The following NPHS1 variants were observed in gnomAD, a reference collection of about 807,000 sequenced individuals.
NPHS1 encodes the protein nephrin.
In NPHS1, 107 loss-of-function variants were observed where a neutral mutation model predicts 139.7. That is an observed-to-expected ratio of 0.77 (90% confidence interval 0.66 to 0.90). The LOEUF (loss-of-function observed/expected upper bound fraction) is 0.90, where lower values mean the gene tolerates loss of function less well. Ranked by LOEUF, NPHS1 falls within the 40% of genes least tolerant of loss-of-function variation. NPHS1 has a pLI of 0.00. For synonymous variants in NPHS1, 707 were observed against 706.6 expected (o/e 1.00, Z -0.01); for missense variants, 1,580 against 1,654.2 (o/e 0.96, Z 0.78).
At chr19:35,850,849 C>A in intron 4 of NPHS1, 112 bp downstream of exon 4, 1 of 1,393,604 alleles carries the variant, frequency 7.2e-7, no homozygotes, top group East Asian at 2.5e-5. Context: ...GTCCCCATCC[C>A]AGGGATGACA....
In NPHS1 at chr19:35,831,766, G is replaced by A. The variant is rs774776388; in HGVS notation, c.3167-4C>T. The A allele has an allele frequency of 1.3e-6, 2 of 1,562,580 alleles. No individual in the cohort carries two copies. The highest frequency in any genetic ancestry group is 2.4e-5 in the East Asian group (1 of 41,796). ...AGCAGGGGCAGCCCCGAGGGTCCTAGGGGTGGAAGATACCCCTCAGTGAAT... is the reference window on the plus strand; with the variant it reads ...AGCAGGGGCAGCCCCGAGGGTCCTAAGGGTGGAAGATACCCCTCAGTGAAT... On this transcript the variant is annotated splice_polypyrimidine_tract_variant and splice_region_variant and intron_variant, in intron 23 of 28. Coordinates refer to ENST00000378910, the MANE Select transcript of NPHS1 (RefSeq NM_004646.4).
rs1161720919 is a variant in NPHS1 at position 35,848,332 on chromosome 19, AC to A, written c.1235del (p.Gly412ValfsTer2). The A allele has an allele frequency of 2.5e-6, 4 of 1,613,906 alleles. No homozygotes were observed. The highest frequency in any genetic ancestry group is 3.4e-6 in the Non-Finnish European group (4 of 1,179,996). ...LTFLARREDN[G>X]LTLTCEAFSE... ...TGAAGGCCTCACATGTGAGGGTCAG[AC>A]CGTTGTCCTCCCGCCGCGCCAGGAA... On this transcript the variant is annotated frameshift_variant, in exon 10 of 29. Coordinates refer to ENST00000378910, the MANE Select transcript of NPHS1 (RefSeq NM_004646.4). LOFTEE classifies it high-confidence loss of function.
At chr19:35,830,669 A>C (rs1395273817) in intron 28 of NPHS1, among the ~76,000 whole-genome samples, 175 bp downstream of exon 28, 3 of 152,212 alleles carry the variant, frequency 2.0e-5, no homozygotes, top group Non-Finnish European at 4.4e-5. Context: ...TTGGCCTCCC[A>C]AAGTGTTGGG....
At chr19:35,840,840 C>T (rs1453343832) in intron 20 of NPHS1, among the ~76,000 whole-genome samples, 1 of 150,322 alleles carries the variant, frequency 6.7e-6, no homozygotes, top group East Asian at 2.0e-4. Context: ...AAGCGCATGC[C>T]ATCACGCCCG....
rs750378544 is a variant in NPHS1, at chr19:35,831,053, C to T, written c.3481G>A (p.Gly1161Ser). Residue 1161 changes from glycine (G) to serine (S), a missense_variant and splice_region_variant, in exon 27 of 29, where the codon GGT (glycine) becomes AGT (serine). Transcript: ENST00000378910. ...GAATCCTGACATGGTCCTAACTCAC[C>T]TCGGGAATAAGACACCTCCTCCTGC... is the stretch of plus-strand genomic sequence containing the variant. ...PTQEEVSYSR[G>S]FTGEDEDMAF... 1.9e-6 allele frequency: 3 copies of T among 1,613,944 alleles called. No homozygotes were observed. Among genetic ancestry groups the T allele is most frequent in the Middle Eastern group, 1.6e-4 (1 of 6,084 alleles).
chr19:35,843,502 G>T lies in NPHS1; in HGVS notation c.2304C>A (p.Ile768=). The change falls in exon 17 of 29, where the codon ATC becomes ATA. Residue 768 remains isoleucine, a synonymous_variant. Coordinates refer to ENST00000378910, the MANE Select transcript of NPHS1 (RefSeq NM_004646.4). ...TCTCCCAGTTGAACATGCCCGGGAG[G>T]ATGGGATTGGCATCGACAGTGCAGA... ...DIVCTVDANP[I]LPGMFNWERL... The T allele has an allele frequency of 6.2e-7, 1 of 1,614,156 alleles. No homozygotes were observed. Among genetic ancestry groups the T allele is most frequent in the South Asian group, 1.1e-5 (1 of 91,080 alleles).
chr19:35,835,912 A>G (rs1002722181), intron 22 of NPHS1, 151 bp from the exon 23 acceptor site: 6 of 677,016 alleles, frequency 8.9e-6, no homozygotes, highest in Non-Finnish European at 1.6e-5. Flanking sequence ...AATTGCTGAT[A>G]ATAATGACAA....
rs746569163 is a variant in NPHS1 at position 35,848,702 on chromosome 19, G to T, written c.1105C>A (p.Arg369=). The T allele has an allele frequency of 6.2e-7, 1 of 1,614,128 alleles. No individual in the cohort carries two copies. The highest frequency in any genetic ancestry group is 8.5e-7 in the Non-Finnish European group (1 of 1,180,038). ...LSCVSKSSRP[R]VLLRWWLGWR... ...CCCAGCCACCATCGTAGCAGAACCC[G>T]CGGGCGACTGGACTTGCTGACACAG... Residue 369 remains arginine (R), a synonymous_variant, in exon 9 of 29, where the codon CGG becomes AGG. Transcript: ENST00000378910.
intron 22 of NPHS1, among the ~76,000 whole-genome samples, chr19:35,836,943 C>G (rs1972969431): frequency 6.7e-6 from 1 of 149,398 alleles, no homozygotes; most frequent in Non-Finnish European, 1.5e-5. Context: ...TTGCAGTGAG[C>G]CGAGATCATG....
chr19:35,847,397 C>T (rs1018673134), intron 11 of NPHS1, among the ~76,000 whole-genome samples: 3 of 136,512 alleles, frequency 2.2e-5, no homozygotes, highest in African/African-American at 8.4e-5. Context: ...TCTCGTTGCC[C>T]AGACTGGAGT....
At position 35,837,348 on chromosome 19, in the gene NPHS1, T is replaced by C. The variant is rs1478680653; in HGVS notation, c.3110-1587A>G. Among the ~76,000 whole-genome samples, 4 of 152,248 alleles carry C rather than the reference T, an allele frequency of 2.6e-5. No individual in the cohort carries two copies. In the South Asian group the frequency reaches 8.3e-4, roughly 31 times the overall value. On this transcript the variant is annotated intron_variant, in intron 22 of 28. Transcript: ENST00000378910. ...TTATCCTCTTAATGTCTGTGGAGTC[T>C]GTGGTAACATCCCTTCTTCCATTCC...
rs900169960 is a variant in NPHS1 at position 35,839,630 on chromosome 19, GC to G, written c.2816-24del. On this transcript the variant is annotated intron_variant, in intron 20 of 28. Coordinates refer to ENST00000378910, the MANE Select transcript of NPHS1 (RefSeq NM_004646.4). ...GGCCTATGGGGAGAAAGATGGGAAA[GC>G]AGTCAGAGGATACAAAAGAATTCCA... The G allele has an allele frequency of 3.2e-6, 5 of 1,566,392 alleles. No homozygotes were observed. The Admixed American group carries it at 8.3e-5, about 26-fold the overall frequency.
chr19:35,840,962 A>G lies in NPHS1; in HGVS notation c.2815+753T>C, dbSNP rs146200980. 3.9e-3 allele frequency among the ~76,000 whole-genome samples: 582 copies of G among 151,016 alleles called. 20 individuals carry two copies. The East Asian group carries it at 0.09, about 23-fold the overall frequency. ...AGTGCTGGGATTACAGGCATGAGCCACCACGCCTGACTAATCCTGGTATTT... is the reference window on the plus strand; with the variant it reads ...AGTGCTGGGATTACAGGCATGAGCCGCCACGCCTGACTAATCCTGGTATTT... On this transcript the variant is annotated intron_variant, in intron 20 of 28. Coordinates refer to ENST00000378910, the MANE Select transcript of NPHS1 (RefSeq NM_004646.4).
At chr19:35,844,266 A>C (rs1382432361) in intron 15 of NPHS1, 23 bp from the exon 16 acceptor site, 3 of 1,613,662 alleles carry the variant, frequency 1.9e-6, no homozygotes, top group Admixed American at 3.3e-5. Flanking sequence ...AGAATAAGGG[A>C]CCTGGCAGGA....
In NPHS1 at chr19:35,842,561, A is replaced by T. The variant is rs142316130; in HGVS notation, c.2335-11T>A. The T allele has an allele frequency of 3.0e-4, 479 of 1,613,900 alleles. No individual in the cohort carries two copies. Among genetic ancestry groups the T allele is most frequent in the Non-Finnish European group, 3.9e-4 (462 of 1,179,952 alleles). On this transcript the variant is annotated splice_polypyrimidine_tract_variant and intron_variant, in intron 17 of 28. Transcript: ENST00000378910. ...CTCCTCATCTTCTCCCTGGAGGCCC[A>T]AGAGTCCAGAATTGGCCTCCCAGTC...
chr19:35,826,318 C>A lies in NPHS1; in HGVS notation c.*196G>T. The stretch of plus-strand genomic sequence containing the variant: ...GAGAAGTTTAGTTTCTAAAGCCAAC[C>A]CCAGGATGCACCTTGTTTCTACTCT... On this transcript the variant is annotated 3_prime_UTR_variant, in exon 29 of 29. Transcript: ENST00000378910. 1 of 622,860 alleles carries A rather than the reference C, an allele frequency of 1.6e-6. No homozygotes were observed. The highest frequency in any genetic ancestry group is 1.9e-5 in the South Asian group (1 of 51,672). The allele number at this position is 622,860 out of a possible 1,614,324, so 38.6% of individuals were successfully genotyped here.
Position 35,850,957 on chromosome 19 carries a change from T to C in NPHS1, c.526+4A>G. 3 of 1,613,884 alleles carry C rather than the reference T, an allele frequency of 1.9e-6. No individual in the cohort carries two copies. The highest frequency in any genetic ancestry group is 3.3e-5 in the Admixed American group (2 of 59,996). On this transcript the variant is annotated splice_donor_region_variant and intron_variant, in intron 4 of 28. Transcript: ENST00000378910. ...CCCCTGCCACCCAGTTCACCCACAC[T>C]CACTCAGGAGAATGGTGATGTCAGG...
At chr19:35,843,079 T>C (rs1006314858) in intron 17 of NPHS1, among the ~76,000 whole-genome samples, 3 of 152,122 alleles carry the variant, frequency 2.0e-5, no homozygotes, top group Non-Finnish European at 4.4e-5. Flanking sequence ...TCCATAGATA[T>C]CTTTCCTCTG....
intron 21 of NPHS1, 34 bp downstream of exon 21, chr19:35,839,462 C>T: frequency 1.2e-6 from 2 of 1,611,618 alleles, no homozygotes; most frequent in Non-Finnish European, 1.7e-6. Flanking sequence ...TGCCCTAGCC[C>T]ATTCCCTTCC....
Sources: gnomAD v4.1 joint callset for allele counts (sites outside exome capture counted in the v4.1 genomes callset) on GRCh38, gnomAD v4.1.1 for gene constraint, MANE v1.5 for transcripts, NCBI Gene and HGNC (gene_info 2026-07-23, HGNC 2026-07-21) for gene names.